Variants in DESI2 observed in about 807,000 individuals in gnomAD.
DESI2 encodes deubiquitinase DESI2.
Under a neutral mutation model 24.1 loss-of-function variants are expected in DESI2, and 10 were observed. That is an observed-to-expected ratio of 0.41 (90% confidence interval 0.26 to 0.70). The LOEUF is 0.70. DESI2 is among the 30% of genes least tolerant of loss of function. The pLI is 0.29. For missense variants in DESI2, 122 were observed against 234.9 expected (o/e 0.52, Z 3.14); for synonymous variants, 71 against 87.7 (o/e 0.81, Z 1.06).
At chr1:244,692,266 C>T (rs1573220390) in intron 4 of DESI2, among the ~76,000 whole-genome samples, 1 of 151,960 alleles carries the variant, frequency 6.6e-6, no homozygotes, top group Non-Finnish European at 1.5e-5. Flanking sequence ...AAATAATGGT[C>T]CCTTCTTACT....
chr1:244,690,004 TA>T (rs1259226391), intron 3 of DESI2, among the ~76,000 whole-genome samples: 8 of 152,388 alleles, frequency 5.2e-5, no homozygotes, highest in African/African-American at 1.9e-4. Context: ...CATGTAATGA[TA>T]AACCTAAAAT....
chr1:244,661,456 A>G (rs896842383), intron 1 of DESI2, among the ~76,000 whole-genome samples: 1 of 152,174 alleles, frequency 6.6e-6, no homozygotes, highest in East Asian at 1.9e-4. Flanking sequence ...CATGTGCACA[A>G]TGTGCAGGTT....
chr1:244,676,392 TATATTG>T (rs1398328288), intron 1 of DESI2, among the ~76,000 whole-genome samples: 1 of 152,156 alleles, frequency 6.6e-6, no homozygotes, highest in African/African-American at 2.4e-5. Flanking sequence ...TCGATTTTTA[TATATTG>T]ATCTTGTACC....
intron 1 of DESI2, among the ~76,000 whole-genome samples, chr1:244,663,793 C>T (rs1318940472): frequency 1.1e-4 from 17 of 151,516 alleles, no homozygotes; most frequent in Admixed American, 8.5e-4. Flanking sequence ...CCAAGGTGGA[C>T]GGATCATGAG....
intron 1 of DESI2, among the ~76,000 whole-genome samples, chr1:244,671,179 A>G (rs1268813974): frequency 6.6e-6 from 1 of 152,196 alleles, no homozygotes; most frequent in Non-Finnish European, 1.5e-5. Flanking sequence ...GTATGTTAGG[A>G]AGGGTTTGAG....
At chr1:244,691,076 G>T (rs1225222724) in intron 3 of DESI2, among the ~76,000 whole-genome samples, 2 of 152,154 alleles carry the variant, frequency 1.3e-5, no homozygotes, top group Non-Finnish European at 2.9e-5. Context: ...CAAGGTAGTA[G>T]TTTGGAGTCC....
intron 1 of DESI2, among the ~76,000 whole-genome samples, chr1:244,659,315 A>G (rs533813578): frequency 6.6e-6 from 1 of 152,164 alleles, no homozygotes; most frequent in African/African-American, 2.4e-5. Flanking sequence ...AAACAACACA[A>G]ATTTATCATC....
Position 244,658,610 on chromosome 1 carries a change from G to C in DESI2, c.42+5255G>C, listed in dbSNP as rs145443066. The stretch of plus-strand genomic sequence containing the variant: ...GGGCCTGTCACTAGATGGTGTTCTA[G>C]AAATATCCGCTCAATGAGTGGGGCT... On this transcript the variant is annotated intron_variant, in intron 1 of 4. Transcript: ENST00000302550. 2.5e-3 allele frequency among the ~76,000 whole-genome samples: 379 copies of C among 152,316 alleles called. 1 individual carries two copies. The highest frequency in any genetic ancestry group is 5.3e-3 in the Admixed American group (81 of 15,304).
rs1220149768 is a variant in DESI2, at chr1:244,706,498, C to T, written c.*709C>T. 6.6e-6 allele frequency: 1 copy of T among 152,656 alleles called. No homozygotes were observed. The highest frequency in any genetic ancestry group is 1.9e-4 in the East Asian group (1 of 5,206). The allele number at this position is 152,656 out of a possible 1,614,324, so 9.5% of individuals were successfully genotyped here. On this transcript the variant is annotated 3_prime_UTR_variant, in exon 5 of 5. Transcript: ENST00000302550. ...TTCTTACGTCTCTCTGACTTTGATG[C>T]CACTCATTCTATAGTTTAGCTGGTT...
At chr1:244,685,489 A>G (rs1448998579) in intron 1 of DESI2, among the ~76,000 whole-genome samples, 1 of 152,196 alleles carries the variant, frequency 6.6e-6, no homozygotes, top group Admixed American at 6.5e-5. Context: ...CTAGATGGGA[A>G]AATTCCTTGT....
chr1:244,703,349 ATTCTT>A (rs1471546061), intron 4 of DESI2, among the ~76,000 whole-genome samples: 2 of 151,432 alleles, frequency 1.3e-5, no homozygotes, highest in Non-Finnish European at 2.9e-5. Context: ...GTTCATATAC[ATTCTT>A]TTTTGTTTGT....
intron 1 of DESI2, among the ~76,000 whole-genome samples, chr1:244,686,393 A>G (rs1676825050): frequency 6.6e-6 from 1 of 152,100 alleles, no homozygotes; most frequent in Non-Finnish European, 1.5e-5. Flanking sequence ...TAATGTGCTT[A>G]TACTCAAATC....
intron 1 of DESI2, among the ~76,000 whole-genome samples, chr1:244,684,772 T>C (rs1273202838): frequency 6.6e-6 from 1 of 152,214 alleles, no homozygotes; most frequent in African/African-American, 2.4e-5. Flanking sequence ...GCATATGTAC[T>C]AGTATTTCTA....
rs1041463747 is a variant in DESI2 at position 244,689,819 on chromosome 1, CCTTT to C, written c.209+480_209+483del. On this transcript the variant is annotated intron_variant, in intron 3 of 4. Transcript: ENST00000302550. The surrounding 1 kb of genome is among the most constrained non-coding windows in gnomAD (Gnocchi z 4.0). ...GCCACCACGCCCAGCCCAGGAAACTCCTTTCTAATGATTTCTTCCCCTCAATCTC... is the reference window on the plus strand; with the variant it reads ...GCCACCACGCCCAGCCCAGGAAACTCCTAATGATTTCTTCCCCTCAATCTC... Among the ~76,000 whole-genome samples the C allele has an allele frequency of 6.6e-6, 1 of 152,116 alleles. No homozygotes were observed. The highest frequency in any genetic ancestry group is 2.4e-5 in the African/African-American group (1 of 41,424).
At chr1:244,676,299 A>G (rs1676413417) in intron 1 of DESI2, among the ~76,000 whole-genome samples, 2 of 151,832 alleles carry the variant, frequency 1.3e-5, no homozygotes, top group Admixed American at 1.3e-4. Context: ...GGTGGTCTCA[A>G]TCTCCTGACC....
chr1:244,669,332 TTTC>T lies in DESI2; in HGVS notation c.42+15983_42+15985del, dbSNP rs558952233. 1.7e-3 allele frequency among the ~76,000 whole-genome samples: 262 copies of T among 152,140 alleles called. 2 individuals carry two copies. The highest frequency in any genetic ancestry group is 6.2e-3 in the African/African-American group (256 of 41,540). ...TTTTTATTAAACTTGTACATTTTACTTTCTTCTTTTCAGAATCTTAATAAGAAA... is the reference window on the plus strand; with the variant it reads ...TTTTTATTAAACTTGTACATTTTACTTTCTTTTCAGAATCTTAATAAGAAA... On this transcript the variant is annotated intron_variant, in intron 1 of 4. Coordinates refer to ENST00000302550, the MANE Select transcript of DESI2 (RefSeq NM_016076.5).
At chr1:244,653,696 A>G in intron 1 of DESI2, 1 of 396,880 alleles carries the variant, frequency 2.5e-6, no homozygotes, top group Non-Finnish European at 4.7e-6. Context: ...TTCCAACCCC[A>G]CTTGCCGGCC....
intron 1 of DESI2, among the ~76,000 whole-genome samples, chr1:244,669,977 T>C (rs1170196173): frequency 6.8e-6 from 1 of 147,794 alleles, no homozygotes; most frequent in African/African-American, 2.5e-5. Flanking sequence ...TTTTTTTTGA[T>C]AGGGAGTTTC....
intron 4 of DESI2, among the ~76,000 whole-genome samples, chr1:244,704,682 G>A (rs1291284123): frequency 1.3e-5 from 2 of 151,520 alleles, no homozygotes; most frequent in African/African-American, 4.9e-5. Context: ...TGTGTGAGAC[G>A]GAGTCTCACT....
Sources: gnomAD v4.1 joint callset for allele counts (sites outside exome capture counted in the v4.1 genomes callset) on GRCh38, gnomAD v4.1.1 for gene constraint, Gnocchi (gnomAD v3.1) non-coding constraint, MANE v1.5 for transcripts, NCBI Gene and HGNC (gene_info 2026-07-23, HGNC 2026-07-21) for gene names.